Variants in PTPRR observed in about 807,000 individuals in gnomAD.
PTPRR encodes protein tyrosine phosphatase receptor type R, also known as receptor-type tyrosine-protein phosphatase R.
Under a neutral mutation model 77.2 loss-of-function variants are expected in PTPRR, and 38 were observed. That is an observed-to-expected ratio of 0.49 (90% CI 0.38 to 0.65). PTPRR has a LOEUF of 0.65. Among genes scored for constraint, PTPRR ranks in the 30% least tolerant of loss-of-function variants. The pLI, the probability that PTPRR is intolerant of heterozygous loss-of-function variation, is 0.00. For missense variants in PTPRR, 744 were observed against 799.2 expected, an observed-to-expected ratio of 0.93 and a Z score of 0.83; for synonymous variants, 299 against 283.1, an observed-to-expected ratio of 1.06 and a Z score of -0.57.
chr12:70,875,168 C>A (rs1893029844), intron 2 of PTPRR, among the ~76,000 whole-genome samples: 1 of 151,880 alleles, frequency 6.6e-6, no homozygotes, highest in African/African-American at 2.4e-5. Flanking sequence ...GAATCATGAC[C>A]ATTGAGTAGG....
intron 6 of PTPRR, among the ~76,000 whole-genome samples, chr12:70,716,097 G>A (rs1018681892): frequency 1.3e-5 from 2 of 152,050 alleles, no homozygotes; most frequent in Admixed American, 6.6e-5. Context: ...GGCTTCAGCC[G>A]GTCCCTCCGT....
intron 2 of PTPRR, among the ~76,000 whole-genome samples, chr12:70,781,876 G>A (rs1240476312): frequency 2.6e-5 from 4 of 152,078 alleles, no homozygotes; most frequent in Admixed American, 2.6e-4. Flanking sequence ...CATTACTGAT[G>A]AGCTACTCCT....
chr12:70,852,850 A>G (rs1892593048), intron 2 of PTPRR, among the ~76,000 whole-genome samples: 1 of 152,170 alleles, frequency 6.6e-6, no homozygotes, highest in Admixed American at 6.6e-5. Context: ...TGCGTTTAAC[A>G]TGATGAGACA....
intron 2 of PTPRR, among the ~76,000 whole-genome samples, chr12:70,875,338 T>A (rs1211360868): frequency 6.6e-6 from 1 of 152,174 alleles, no homozygotes; most frequent in Non-Finnish European, 1.5e-5. Context: ...CATGTATGAG[T>A]GTATGATTAT....
At chr12:70,699,154 A>T (rs1215066745) in intron 7 of PTPRR, among the ~76,000 whole-genome samples, 1 of 152,242 alleles carries the variant, frequency 6.6e-6, no homozygotes, top group African/African-American at 2.4e-5. Flanking sequence ...AGATTTGATT[A>T]TACAAAATAG....
intron 6 of PTPRR, among the ~76,000 whole-genome samples, chr12:70,720,879 C>A (rs1268780037): frequency 2.0e-5 from 3 of 152,186 alleles, no homozygotes; most frequent in African/African-American, 7.2e-5. Context: ...CCCACTCCCT[C>A]ATCTTCGACT....
In PTPRR at chr12:70,761,791, C is replaced by T. The variant is rs1305063725; in HGVS notation, c.472-165G>A. 1.3e-5 allele frequency among the ~76,000 whole-genome samples: 2 copies of T among 152,142 alleles called. 1 individual carries two copies. Among genetic ancestry groups the T allele is most frequent in the South Asian group, 4.1e-4 (2 of 4,828 alleles). ...TTATTCTCTGATAGACTTAATGTTA[C>T]CAGTCCAAAGTCTAAAATCTTCAAA... On this transcript the variant is annotated intron_variant, in intron 3 of 13. Coordinates refer to ENST00000283228, the MANE Select transcript of PTPRR (RefSeq NM_002849.4).
chr12:70,806,761 C>G (rs940679750), intron 2 of PTPRR, among the ~76,000 whole-genome samples: 1 of 152,126 alleles, frequency 6.6e-6, no homozygotes, highest in Admixed American at 6.6e-5. Flanking sequence ...TCTTACTTAT[C>G]CCAAAATCCC....
chr12:70,728,528 A>AATATATATATATATATATATATATAT (rs71068723), intron 6 of PTPRR, among the ~76,000 whole-genome samples: 1 of 80,152 alleles, frequency 1.2e-5, no homozygotes, highest in African/African-American at 5.4e-5. Flanking sequence ...CCAAAATCTG[A>AATATATATATATATATATATATATAT]ATATATATAT....
At chr12:70,801,407 G>A (rs1891612612) in intron 2 of PTPRR, among the ~76,000 whole-genome samples, 1 of 152,136 alleles carries the variant, frequency 6.6e-6, no homozygotes, top group Non-Finnish European at 1.5e-5. Context: ...CCCCATTGTG[G>A]GTTGGCTTCT....
At chr12:70,674,854 T>C (rs1056292805) in intron 10 of PTPRR, among the ~76,000 whole-genome samples, 1 of 152,160 alleles carries the variant, frequency 6.6e-6, no homozygotes, top group Non-Finnish European at 1.5e-5. Context: ...AGTGTGATGG[T>C]GATTTATCAA....
chr12:70,885,326 C>T (rs1418264180), intron 2 of PTPRR, among the ~76,000 whole-genome samples: 2 of 152,100 alleles, frequency 1.3e-5, no homozygotes, highest in Admixed American at 1.3e-4. Context: ...AGCTACTATA[C>T]AATGAAATTT....
At chr12:70,863,417 C>T (rs1415252429) in intron 2 of PTPRR, among the ~76,000 whole-genome samples, 3 of 152,112 alleles carry the variant, frequency 2.0e-5, no homozygotes, top group African/African-American at 7.2e-5. Flanking sequence ...GACTGTCCTA[C>T]TTTTATGTAA....
intron 2 of PTPRR, among the ~76,000 whole-genome samples, chr12:70,771,738 A>G (rs1890983124): frequency 1.3e-5 from 2 of 152,174 alleles, no homozygotes; most frequent in African/African-American, 4.8e-5. Flanking sequence ...TCCATCTTCA[A>G]TTTGTGTTCA....
At chr12:70,734,235 C>G (rs1033250313) in intron 6 of PTPRR, among the ~76,000 whole-genome samples, 3 of 152,112 alleles carry the variant, frequency 2.0e-5, no homozygotes, top group Admixed American at 1.3e-4. Context: ...TTAAAAAGCA[C>G]TGCATTTAGT....
intron 1 of PTPRR, among the ~76,000 whole-genome samples, chr12:70,898,887 A>G (rs759419276): frequency 6.6e-6 from 1 of 151,500 alleles, no homozygotes; most frequent in Non-Finnish European, 1.5e-5. Flanking sequence ...TCAGAAATGA[A>G]AGGAGGGATA....
chr12:70,713,379 A>T (rs1888901135), intron 6 of PTPRR, among the ~76,000 whole-genome samples: 2 of 152,146 alleles, frequency 1.3e-5, no homozygotes, highest in Admixed American at 1.3e-4. Flanking sequence ...GTTTTGCATG[A>T]ACATATGTTT....
intron 2 of PTPRR, among the ~76,000 whole-genome samples, chr12:70,863,117 G>C (rs541961281): frequency 1.3e-5 from 2 of 152,038 alleles, no homozygotes; most frequent in Non-Finnish European, 2.9e-5. Context: ...CTTATAATAC[G>C]TAATAACTTA....
intron 1 of PTPRR, 141 bp from the exon 2 acceptor site, chr12:70,893,118 C>T: frequency 1.1e-6 from 1 of 920,488 alleles, no homozygotes; most frequent in Non-Finnish European, 1.6e-6. Context: ...ATTTCTTTGT[C>T]TGCTTCATGA....
Sources: allele counts gnomAD v4.1 joint callset (sites outside exome capture counted in the v4.1 genomes callset), GRCh38; gene constraint gnomAD v4.1.1; transcripts MANE v1.5; gene names NCBI Gene and HGNC (gene_info 2026-07-23, HGNC 2026-07-21).